SLC26A7: variants seen among roughly 807,000 people sequenced by gnomAD.
SLC26A7 encodes anion exchange transporter.
SLC26A7 carries 59 observed loss-of-function variants against 82.5 expected under a neutral mutation model. The observed-to-expected ratio is 0.72, with a 90% CI of 0.58 to 0.89. SLC26A7 has a LOEUF of 0.89. Among genes scored for constraint, SLC26A7 ranks in the 40% least tolerant of loss-of-function variants. The pLI is 0.00. For missense variants in SLC26A7, 820 were observed against 793.0 expected, an observed-to-expected ratio of 1.03 and a Z score of -0.41; for synonymous variants, 271 against 274.3, an observed-to-expected ratio of 0.99 and a Z score of 0.12.
chr8:91,345,100 C>T lies in SLC26A7; in HGVS notation c.1140+1634C>T, dbSNP rs1418476698. On this transcript the variant is annotated intron_variant, in intron 9 of 18. Coordinates refer to ENST00000276609, the MANE Select transcript of SLC26A7 (RefSeq NM_052832.4). ...GGAATAACAGGCGTGCACCACCACACCTTGCTATTTTTTTTTTTTCAAATT... is the reference window on the plus strand; with the variant it reads ...GGAATAACAGGCGTGCACCACCACATCTTGCTATTTTTTTTTTTTCAAATT... Among the ~76,000 whole-genome samples, 10 of 151,552 alleles carry T rather than the reference C, an allele frequency of 6.6e-5. No individual in the cohort carries two copies. The East Asian group carries it at 1.9e-3, about 29-fold the overall frequency.
chr8:91,280,405 G>A (rs1811537076), intron 2 of SLC26A7, among the ~76,000 whole-genome samples: 1 of 152,066 alleles, frequency 6.6e-6, no homozygotes, highest in Non-Finnish European at 1.5e-5. Context: ...TTGATCTCAC[G>A]TTCCCATTTA....
intron 15 of SLC26A7, among the ~76,000 whole-genome samples, chr8:91,370,099 C>T (rs921017405): frequency 6.6e-6 from 1 of 151,798 alleles, no homozygotes; most frequent in African/African-American, 2.4e-5. Flanking sequence ...TTTCTTTCTC[C>T]CACTTCTTCT....
chr8:91,295,767 G>A (rs1812000883), intron 4 of SLC26A7, 64 bp downstream of exon 4: 1 of 1,488,218 alleles, frequency 6.7e-7, no homozygotes, highest in African/African-American at 1.4e-5. Context: ...GGCAGCTGGT[G>A]TTTTATTTTT....
intron 4 of SLC26A7, among the ~76,000 whole-genome samples, chr8:91,316,370 C>T (rs551103988): frequency 5.5e-4 from 84 of 151,682 alleles, no homozygotes; most frequent in African/African-American, 2.0e-3. Context: ...GCAACCTCTG[C>T]CTCCTGGGCT....
At chr8:91,222,581 A>G (rs1166140933) in intron 2 of SLC26A7, among the ~76,000 whole-genome samples, 3 of 152,180 alleles carry the variant, frequency 2.0e-5, no homozygotes, top group African/African-American at 7.2e-5. Flanking sequence ...ATTGAATTTT[A>G]TCAAAGGCCT....
At chr8:91,225,073 G>C (rs1464092675) in intron 2 of SLC26A7, among the ~76,000 whole-genome samples, 1 of 152,220 alleles carries the variant, frequency 6.6e-6, no homozygotes, top group Non-Finnish European at 1.5e-5. Context: ...TATAGAAATG[G>C]GTGCCGCCTT....
chr8:91,286,635 A>G (rs1811719038), intron 2 of SLC26A7, among the ~76,000 whole-genome samples: 1 of 152,188 alleles, frequency 6.6e-6, no homozygotes, highest in Non-Finnish European at 1.5e-5. Context: ...AAATAGTAGC[A>G]TTAGAGAGTG....
chr8:91,236,717 A>G (rs1810398231), intron 2 of SLC26A7, among the ~76,000 whole-genome samples: 1 of 152,202 alleles, frequency 6.6e-6, no homozygotes, highest in Non-Finnish European at 1.5e-5. Context: ...TGTAATAAAC[A>G]TATCATTTAT....
chr8:91,211,169 G>A (rs944176665), intron 1 of SLC26A7, among the ~76,000 whole-genome samples: 2 of 151,824 alleles, frequency 1.3e-5, no homozygotes, highest in African/African-American at 4.8e-5. Flanking sequence ...AAAGCCATGG[G>A]AGTGTCAGAA....
intron 2 of SLC26A7, among the ~76,000 whole-genome samples, chr8:91,254,481 A>G (rs1011418485): frequency 3.3e-5 from 5 of 152,120 alleles, no homozygotes; most frequent in Non-Finnish European, 7.4e-5. Context: ...TTCTTCACCT[A>G]AGACCACAGA....
chr8:91,282,851 T>C (rs1214043048), intron 2 of SLC26A7, among the ~76,000 whole-genome samples: 2 of 152,218 alleles, frequency 1.3e-5, no homozygotes, highest in Admixed American at 1.3e-4. Context: ...CAGAATGCTG[T>C]GCCTTTGAAC....
chr8:91,268,423 T>C (rs1586342696), intron 2 of SLC26A7, among the ~76,000 whole-genome samples: 1 of 151,916 alleles, frequency 6.6e-6, no homozygotes, highest in South Asian at 2.1e-4. Context: ...CTTGACATAA[T>C]GCCTATTTTA....
intron 15 of SLC26A7, among the ~76,000 whole-genome samples, chr8:91,370,721 A>T (rs1386562701): frequency 6.6e-6 from 1 of 152,016 alleles, no homozygotes; most frequent in Non-Finnish European, 1.5e-5. Context: ...AAGTGTTGTG[A>T]TATTATAACT....
chr8:91,364,495 C>T (rs576264293), intron 13 of SLC26A7, among the ~76,000 whole-genome samples: 1 of 152,248 alleles, frequency 6.6e-6, no homozygotes, highest in East Asian at 1.9e-4. Flanking sequence ...CCAGGGTGTT[C>T]TAGGCTCAAG....
intron 2 of SLC26A7, among the ~76,000 whole-genome samples, chr8:91,252,253 G>C (rs1306788073): frequency 6.6e-6 from 1 of 152,008 alleles, no homozygotes; most frequent in Non-Finnish European, 1.5e-5. Context: ...TTTCAATCTA[G>C]TAGTTGTTTT....
chr8:91,259,551 G>C (rs1170101750), intron 2 of SLC26A7, among the ~76,000 whole-genome samples: 2 of 152,006 alleles, frequency 1.3e-5, no homozygotes, highest in Non-Finnish European at 2.9e-5. Context: ...TGCTTTTCAA[G>C]GCCCTTCAAT....
intron 2 of SLC26A7, among the ~76,000 whole-genome samples, chr8:91,231,851 G>A (rs180899102): frequency 3.9e-5 from 6 of 152,084 alleles, no homozygotes; most frequent in East Asian, 1.9e-4. Context: ...TCTTTACCAC[G>A]GCTAGGCAGG....
In SLC26A7 at chr8:91,389,326, T is replaced by C; in HGVS notation, c.1676-12T>C. On this transcript the variant is annotated splice_polypyrimidine_tract_variant and intron_variant, in intron 15 of 18. Transcript: ENST00000276609. ...AAACTCTCCCTAACTCAAGTCTCTG[T>C]TTCTCCTACAGAAGAAGCTTCACAG... 1 of 1,604,836 alleles carries C rather than the reference T, an allele frequency of 6.2e-7. No homozygotes were observed. The highest frequency in any genetic ancestry group is 8.5e-7 in the Non-Finnish European group (1 of 1,171,698).
intron 12 of SLC26A7, 24 bp downstream of exon 12, chr8:91,362,483 G>T: frequency 1.3e-6 from 2 of 1,584,462 alleles, no homozygotes; most frequent in Non-Finnish European, 1.7e-6. Flanking sequence ...TAAATGCTCT[G>T]TTTATTTTTG....
Sources: allele counts gnomAD v4.1 joint callset (sites outside exome capture counted in the v4.1 genomes callset), GRCh38; gene constraint gnomAD v4.1.1; transcripts MANE v1.5; gene names NCBI Gene and HGNC (gene_info 2026-07-23, HGNC 2026-07-21).